Variants in RNF213 observed in about 807,000 individuals in gnomAD.
RNF213 encodes E3 ubiquitin-protein ligase RNF213.
RNF213 carries 341 observed loss-of-function variants against 514.4 expected under a neutral mutation model. The observed-to-expected ratio is 0.66, with a 90% CI of 0.61 to 0.73. The LOEUF (loss-of-function observed/expected upper bound fraction) is 0.73, where lower values mean the gene tolerates loss of function less well. Among genes scored for constraint, RNF213 ranks in the 30% least tolerant of loss-of-function variants. RNF213 has a pLI of 0.00. For synonymous variants in RNF213, 2,655 were observed against 2,658.2 expected (o/e 1.00, Z 0.04); for missense variants, 5,767 against 6,615.6 (o/e 0.87, Z 4.45).
intron 55 of RNF213, among the ~76,000 whole-genome samples, chr17:80,380,185 C>T (rs1262982136): frequency 6.6e-6 from 1 of 152,202 alleles, no homozygotes; most frequent in African/African-American, 2.4e-5. Context: ...TACCAGACTT[C>T]AGAATCCAGG....
intron 67 of RNF213, among the ~76,000 whole-genome samples, chr17:80,390,739 C>T (rs2080432788): frequency 6.6e-6 from 1 of 151,970 alleles, no homozygotes; most frequent in Non-Finnish European, 1.5e-5. Context: ...TAGACTATGT[C>T]AAAGAGAGGT....
At chr17:80,283,894 C>G (rs2044383490) in intron 3 of RNF213, among the ~76,000 whole-genome samples, 2 of 152,180 alleles carry the variant, frequency 1.3e-5, no homozygotes, top group African/African-American at 4.8e-5. Context: ...TAGGGAAAAA[C>G]TTAATTTGAG....
chr17:80,389,772 CAT>C, intron 65 of RNF213, 54 bp from the exon 66 acceptor site: 1 of 1,453,418 alleles, frequency 6.9e-7, no homozygotes, highest in East Asian at 2.3e-5. Context: ...TGGTGCACGA[CAT>C]GAGTGGGGGT....
At chr17:80,330,396 C>T (rs563823646) in intron 20 of RNF213, among the ~76,000 whole-genome samples, 49 of 152,316 alleles carry the variant, frequency 3.2e-4, no homozygotes, top group African/African-American at 1.1e-3. Flanking sequence ...TGCTGTGGCT[C>T]GACCTGGAAG....
At chr17:80,330,771 T>A (rs1599037017) in intron 20 of RNF213, among the ~76,000 whole-genome samples, 3 of 152,210 alleles carry the variant, frequency 2.0e-5, no homozygotes, top group Admixed American at 6.5e-5. Flanking sequence ...AAGAAGGGGG[T>A]CCACCTGCTG....
rs1391744719 is a variant in RNF213 at position 80,394,644 on chromosome 17, T to C, written c.*1146T>C. Reference sequence around the variant, plus strand: ...TATTCATTCTAAATGAGTTAACGACTTAACTTGAAATTGGGCCTAAGGAGT... The same window carrying C: ...TATTCATTCTAAATGAGTTAACGACCTAACTTGAAATTGGGCCTAAGGAGT... On this transcript the variant is annotated 3_prime_UTR_variant, in exon 68 of 68. Coordinates refer to ENST00000582970, the MANE Select transcript of RNF213 (RefSeq NM_001256071.3). The C allele has an allele frequency of 6.6e-6, 1 of 152,162 alleles. No homozygotes were observed. The highest frequency in any genetic ancestry group is 1.5e-5 in the Non-Finnish European group (1 of 68,030). The allele number at this position is 152,162 out of a possible 1,614,324, so 9.4% of individuals were successfully genotyped here.
Position 80,263,571 on chromosome 17 carries a change from C to T in RNF213, c.-108-3C>T. On this transcript the variant is annotated splice_region_variant and splice_polypyrimidine_tract_variant and intron_variant, in intron 1 of 67. Coordinates refer to ENST00000582970, the MANE Select transcript of RNF213 (RefSeq NM_001256071.3). This position sits in a 1 kb window ranked among gnomAD's most constrained non-coding sequence, Gnocchi z 4.9. ...CTGGGCTGCTGTGATTTCACTTTCGCAGAAAATGAAACTGAAGCCGTGGTC... is the reference window on the plus strand; with the variant it reads ...CTGGGCTGCTGTGATTTCACTTTCGTAGAAAATGAAACTGAAGCCGTGGTC... The T allele has an allele frequency of 3.2e-6, 3 of 926,816 alleles. No homozygotes were observed. Among genetic ancestry groups the T allele is most frequent in the Non-Finnish European group, 5.4e-6 (3 of 557,964 alleles). 57.4% of individuals were successfully genotyped at this position (926,816 alleles called of 1,614,324 possible). A position where few individuals can be genotyped will look rare whatever the true frequency, so the allele number is the denominator to read the frequency against.
Position 80,343,196 on chromosome 17 carries a change from G to A in RNF213, c.6054G>A (p.Val2018=). 2 of 1,614,090 alleles carry A rather than the reference G, an allele frequency of 1.2e-6. No individual in the cohort carries two copies. Among genetic ancestry groups the A allele is most frequent in the South Asian group, 2.2e-5 (2 of 91,080 alleles). ...AGATGCAGTTAAACGTGAAAAATGT[G>A]CCTCTGAAAACAATTCGACTGATCG... ...KMKMQLNVKN[V]PLKTIRLIDP... The change falls in exon 27 of 68, where the codon GTG becomes GTA. Residue 2018 remains valine (V), a synonymous_variant. Transcript: ENST00000582970. This position sits in a 1 kb window ranked among gnomAD's most constrained non-coding sequence, Gnocchi z 4.3.
chr17:80,365,185 C>T (rs80274947), intron 42 of RNF213: 1,898 of 156,874 alleles, frequency 0.012, 55 homozygotes, highest in African/African-American at 0.043. Flanking sequence ...GTGACCTTCA[C>T]GTGAGCACAT....
rs373708097 is a variant in RNF213, at chr17:80,388,569, C to T, written c.14923-43C>T. ...GTTTGTCATCTGCTGGAAATGTCCA[C>T]GATGGATTTAATTTTAAAAAACTTT... On this transcript the variant is annotated intron_variant, in intron 63 of 67. Transcript: ENST00000582970. 74 of 1,282,014 alleles carry T rather than the reference C, an allele frequency of 5.8e-5. No individual in the cohort carries two copies. The African/African-American group carries it at 6.3e-4, about 11-fold the overall frequency. 79.4% of individuals were successfully genotyped at this position (1,282,014 alleles called of 1,614,324 possible). A position where few individuals can be genotyped will look rare whatever the true frequency, so the allele number is the denominator to read the frequency against.
At chr17:80,308,071 G>C (rs1045616491) in intron 13 of RNF213, among the ~76,000 whole-genome samples, 5 of 151,880 alleles carry the variant, frequency 3.3e-5, no homozygotes, top group African/African-American at 1.2e-4. Context: ...AAAATCATTT[G>C]CTCCTGCAAA....
intron 14 of RNF213, among the ~76,000 whole-genome samples, chr17:80,311,366 C>T (rs1057246209): frequency 6.6e-6 from 1 of 152,130 alleles, no homozygotes; most frequent in African/African-American, 2.4e-5. Flanking sequence ...AGCCTCTGAG[C>T]GGTCATTCAG....
chr17:80,358,562 G>T, intron 37 of RNF213, 83 bp downstream of exon 37: 1 of 1,280,438 alleles, frequency 7.8e-7, no homozygotes, highest in Non-Finnish European at 1.1e-6. Flanking sequence ...AGTGCTGGGT[G>T]AAACGCAGCC....
chr17:80,322,223 C>T (rs1222598461), intron 17 of RNF213, among the ~76,000 whole-genome samples: 5 of 123,508 alleles, frequency 4.0e-5, no homozygotes, highest in Admixed American at 1.0e-4. Flanking sequence ...TACAATGGCA[C>T]GATCACAGCT....
chr17:80,332,565 C>T lies in RNF213; in HGVS notation c.4077C>T (p.Ile1359=). The T allele has an allele frequency of 1.3e-6, 2 of 1,534,304 alleles. No individual in the cohort carries two copies. Among genetic ancestry groups the T allele is most frequent in the Non-Finnish European group, 1.7e-6 (2 of 1,144,804 alleles). The stretch of plus-strand genomic sequence containing the variant: ...AGGCTGTCCACGCAGCCAAGGTCAT[C>T]TTGCAGGTCAAAGAGAGCCTGGGAC... The part of the protein sequence containing the change: ...LHQAVHAAKV[I]LQVKESLGLN... Residue 1359 remains isoleucine, a synonymous_variant, in exon 21 of 68, where the codon ATC becomes ATT. Coordinates refer to ENST00000582970, the MANE Select transcript of RNF213 (RefSeq NM_001256071.3).
intron 14 of RNF213, among the ~76,000 whole-genome samples, chr17:80,311,962 A>T (rs1402601790): frequency 6.6e-6 from 1 of 152,070 alleles, no homozygotes; most frequent in Non-Finnish European, 1.5e-5. Flanking sequence ...CCCTGTCTCT[A>T]CTAAAAAATA....
intron 2 of RNF213, among the ~76,000 whole-genome samples, chr17:80,266,453 T>C (rs535665707): frequency 2.6e-5 from 4 of 151,876 alleles, no homozygotes; most frequent in African/African-American, 9.7e-5. Context: ...TACAGTGGTC[T>C]CTCAGTGCTC....
chr17:80,288,859 G>A lies in RNF213; in HGVS notation c.933+104G>A. ...CAAATATTTAAGTGCTGGGGATATA[G>A]CCATGATTCAGACAAAGCTCTGGCC... On this transcript the variant is annotated intron_variant, in intron 5 of 67. Transcript: ENST00000582970. The surrounding 1 kb of genome is among the most constrained non-coding windows in gnomAD (Gnocchi z 4.9). The A allele has an allele frequency of 6.3e-7, 1 of 1,584,348 alleles. No individual in the cohort carries two copies. Among genetic ancestry groups the A allele is most frequent in the Non-Finnish European group, 8.6e-7 (1 of 1,160,012 alleles).
At chr17:80,277,392 G>T (rs1245714799) in intron 3 of RNF213, among the ~76,000 whole-genome samples, 7 of 152,002 alleles carry the variant, frequency 4.6e-5, no homozygotes, top group Admixed American at 2.6e-4. Context: ...GAGGTCAGGA[G>T]TTCAAGACCA....
Sources: gnomAD v4.1 joint callset for allele counts (sites outside exome capture counted in the v4.1 genomes callset) on GRCh38, gnomAD v4.1.1 for gene constraint, Gnocchi (gnomAD v3.1) non-coding constraint, MANE v1.5 for transcripts, NCBI Gene and HGNC (gene_info 2026-07-23, HGNC 2026-07-21) for gene names.